The following SNX31 variants were observed in gnomAD, a reference collection of about 807,000 sequenced individuals.
SNX31 encodes the protein sorting nexin-31.
A neutral mutation model predicts 65.4 loss-of-function variants in SNX31; 58 were observed. That is an observed-to-expected ratio of 0.89 (90% confidence interval 0.72 to 1.10). The LOEUF (loss-of-function observed/expected upper bound fraction) is 1.10. Ranked by LOEUF, SNX31 falls within the 50% of genes least tolerant of loss-of-function variation. The pLI is 0.00. For synonymous variants in SNX31, 181 were observed against 190.1 expected (o/e 0.95, Z 0.39); for missense variants, 523 against 529.7 (o/e 0.99, Z 0.12).
At chr8:100,645,606 ATTTT>A (rs10598981) in intron 2 of SNX31, among the ~76,000 whole-genome samples, 70 of 106,682 alleles carry the variant, frequency 6.6e-4, no homozygotes, top group African/African-American at 1.6e-3. Context: ...CAGACTCTTC[ATTTT>A]TTTTTTTTTT....
chr8:100,649,693 C>G (rs1287002871), upstream of SNX31: 1 of 524,198 alleles, frequency 1.9e-6, no homozygotes, highest in African/African-American at 2.0e-5. Context: ...CGGGCCGCGC[C>G]GCCTCCCAGT....
intron 2 of SNX31, among the ~76,000 whole-genome samples, chr8:100,641,509 C>T (rs1283675618): frequency 3.0e-5 from 4 of 131,532 alleles, no homozygotes; most frequent in African/African-American, 5.9e-5. Context: ...CACACCACTG[C>T]GCTCCAGCCT....
chr8:100,662,480 C>CTGAGGTCAGGGGTT (rs1157535047), intron 1 of SNX31, among the ~76,000 whole-genome samples: 1 of 152,124 alleles, frequency 6.6e-6, no homozygotes. Context: ...GGCGGTTCAC[C>CTGAGGTCAGGGGTT]TGAGGTCAGG....
At chr8:100,649,854 C>T (rs1819908242), upstream of SNX31, among the ~76,000 whole-genome samples, 2 of 152,242 alleles carry the variant, frequency 1.3e-5, no homozygotes. Flanking sequence ...GTTTGTGTCC[C>T]ATTACCTGCC....
At chr8:100,641,939 C>T (rs1278470224) in intron 2 of SNX31, among the ~76,000 whole-genome samples, 2 of 151,512 alleles carry the variant, frequency 1.3e-5, no homozygotes, top group African/African-American at 2.4e-5. Context: ...ATTAGCCGGG[C>T]TTGGTGGCAG....
intron 7 of SNX31, among the ~76,000 whole-genome samples, chr8:100,608,865 A>G (rs1816439216): frequency 1.3e-5 from 2 of 152,026 alleles, no homozygotes; most frequent in African/African-American, 2.4e-5. Context: ...CAAGATGCGG[A>G]TTCCCTTTCT....
chr8:100,594,518 A>G lies in SNX31; in HGVS notation c.978+2121T>C, dbSNP rs1040564327. Among the ~76,000 whole-genome samples, 1 of 152,230 alleles carries G rather than the reference A, an allele frequency of 6.6e-6. No individual in the cohort carries two copies. Among genetic ancestry groups the G allele is most frequent in the African/African-American group, 2.4e-5 (1 of 41,458 alleles). Reference sequence around the variant, plus strand: ...GAAGACATTTTACCAAAGAAGATATACAGATGGCAAATAAACACATGAAGA... The same window carrying G: ...GAAGACATTTTACCAAAGAAGATATGCAGATGGCAAATAAACACATGAAGA... On this transcript the variant is annotated intron_variant, in intron 10 of 13. Coordinates refer to ENST00000311812, the MANE Select transcript of SNX31 (RefSeq NM_152628.4). The surrounding 1 kb of genome is among the most constrained non-coding windows in gnomAD (Gnocchi z 4.0).
chr8:100,651,289 A>G (rs1450565021), upstream of SNX31, among the ~76,000 whole-genome samples: 1 of 152,186 alleles, frequency 6.6e-6, no homozygotes, highest in Non-Finnish European at 1.5e-5. Flanking sequence ...CCCTATACCA[A>G]GGCCAGGGGT....
chr8:100,658,974 TAAG>T lies in SNX31; in HGVS notation c.-58+4165_-58+4167del, dbSNP rs202120445. ...TGTACAGGTGGAAAATATGTTGATT[TAAG>T]AAGAACTTAGATTCATGTGGGATTC... is the stretch of plus-strand genomic sequence containing the variant. On this transcript the variant is annotated intron_variant, in intron 1 of 5. Coordinates refer to the SNX31 transcript ENST00000520352. Among the ~76,000 whole-genome samples, 5 of 152,274 alleles carry T rather than the reference TAAG, an allele frequency of 3.3e-5. No homozygotes were observed. In the East Asian group the frequency reaches 9.6e-4, roughly 29 times the overall value.
rs946808726 is a variant in SNX31 at position 100,626,283 on chromosome 8, G to T, written c.321+4044C>A. 1.3e-5 allele frequency among the ~76,000 whole-genome samples: 2 copies of T among 152,264 alleles called. No homozygotes were observed. The highest frequency in any genetic ancestry group is 2.9e-5 in the Non-Finnish European group (2 of 68,018). ...CTCTTCTCCCCATTTTACAGATGGG[G>T]AAACTGAGGTACAAAAAGCCTAAGT... On this transcript the variant is annotated intron_variant, in intron 4 of 13. Transcript: ENST00000311812. The surrounding 1 kb of genome is among the most constrained non-coding windows in gnomAD (Gnocchi z 4.4).
intron 4 of SNX31, among the ~76,000 whole-genome samples, chr8:100,628,811 TGG>T (rs1252810143): frequency 7.2e-6 from 1 of 138,940 alleles, no homozygotes; most frequent in East Asian, 2.2e-4. Context: ...TAAAATAAAA[TGG>T]GTGTGTGTGT....
chr8:100,654,636 G>A (rs1233613597), upstream of SNX31, among the ~76,000 whole-genome samples: 2 of 152,240 alleles, frequency 1.3e-5, no homozygotes, highest in African/African-American at 4.8e-5. Flanking sequence ...CCTGGGAATG[G>A]GCTGCTGAGA....
At chr8:100,654,654 G>A (rs112618661), upstream of SNX31, among the ~76,000 whole-genome samples, 198 of 152,326 alleles carry the variant, frequency 1.3e-3, no homozygotes, top group African/African-American at 3.9e-3. Context: ...AGAAGCACAC[G>A]TCCCTTTCAG....
chr8:100,597,035 G>C (rs1369708852), intron 9 of SNX31, among the ~76,000 whole-genome samples, 193 bp from the exon 10 acceptor site: 5 of 152,290 alleles, frequency 3.3e-5, no homozygotes, highest in Middle Eastern at 3.4e-3. Flanking sequence ...AAGCCCGGGG[G>C]AAATTCATGG....
chr8:100,630,742 G>C lies in SNX31; in HGVS notation c.257-351C>G, dbSNP rs1486937653. ...CTTAAAACCTGCATCTAGACTCCCA[G>C]CCTAGCAAGACACAGGGTAATTTGA... On this transcript the variant is annotated intron_variant, in intron 3 of 13. Transcript: ENST00000311812. The surrounding 1 kb of genome is among the most constrained non-coding windows in gnomAD (Gnocchi z 5.3). Among the ~76,000 whole-genome samples the C allele has an allele frequency of 6.6e-6, 1 of 152,178 alleles. No homozygotes were observed. The highest frequency in any genetic ancestry group is 1.5e-5 in the Non-Finnish European group (1 of 68,028).
Position 100,660,872 on chromosome 8 carries a change from C to T in SNX31, c.-58+2270G>A, listed in dbSNP as rs1166401468. ...TCGGGTTCTGCTGGCAGACCAAGCC[C>T]TGGCAATCACACATTCGTGCTAATG... is the stretch of plus-strand genomic sequence containing the variant. On this transcript the variant is annotated intron_variant, in intron 1 of 5. Coordinates refer to the SNX31 transcript ENST00000520352. The surrounding 1 kb of genome is among the most constrained non-coding windows in gnomAD (Gnocchi z 4.1). Among the ~76,000 whole-genome samples, 1 of 152,246 alleles carries T rather than the reference C, an allele frequency of 6.6e-6. No individual in the cohort carries two copies. Among genetic ancestry groups the T allele is most frequent in the Admixed American group, 6.5e-5 (1 of 15,278 alleles).
intron 1 of SNX31, among the ~76,000 whole-genome samples, chr8:100,655,428 G>T (rs1247091467): frequency 1.3e-5 from 2 of 152,198 alleles, no homozygotes; most frequent in Non-Finnish European, 2.9e-5. Context: ...CCCTGTGGGA[G>T]ATCACTGAAT....
intron 7 of SNX31, 62 bp from the exon 8 acceptor site, chr8:100,608,625 G>A (rs1163950334): frequency 3.2e-6 from 5 of 1,552,148 alleles, no homozygotes; most frequent in Non-Finnish European, 4.4e-6. Flanking sequence ...CACCTGGCAA[G>A]TGCTTTGGAA....
At chr8:100,595,946 G>A (rs974300588) in intron 10 of SNX31, among the ~76,000 whole-genome samples, 2 of 152,150 alleles carry the variant, frequency 1.3e-5, no homozygotes, top group Non-Finnish European at 2.9e-5. Context: ...AGAAAGGAGA[G>A]AGATCTTTGA....
Sources: gnomAD v4.1 joint callset for allele counts (sites outside exome capture counted in the v4.1 genomes callset) on GRCh38, gnomAD v4.1.1 for gene constraint, Gnocchi (gnomAD v3.1) non-coding constraint, MANE v1.5 for transcripts, NCBI Gene and HGNC (gene_info 2026-07-23, HGNC 2026-07-21) for gene names.